Variants in RPL9 observed in about 807,000 individuals in gnomAD.
The protein encoded by RPL9 is ribosomal protein L9, also known as large ribosomal subunit protein uL6.
For synonymous variants in RPL9, 82 were observed against 77.1 expected (o/e 1.06, Z -0.33); for missense variants, 149 against 236.7 (o/e 0.63, Z 2.43).
chr4:39,458,033 T>A (rs1203769235), intron 3 of RPL9, 161 bp downstream of exon 3: 3 of 763,754 alleles, frequency 3.9e-6, no homozygotes, highest in Admixed American at 4.0e-5. Context: ...GTGTTCAGAA[T>A]CTGGTTTTTC....
chr4:39,458,509 GCTCCACTCCTACT>G, intron 1 of RPL9, 69 bp from the exon 2 acceptor site: 1 of 1,519,066 alleles, frequency 6.6e-7, no homozygotes, highest in Non-Finnish European at 9.1e-7. Flanking sequence ...GCCGCACAGA[GCTCCACTCCTACT>G]GGAGACTGCC....
chr4:39,458,626 T>G (rs1744237697), intron 1 of RPL9, 186 bp from the exon 2 acceptor site: 1 of 640,720 alleles, frequency 1.6e-6, no homozygotes, highest in Non-Finnish European at 2.7e-6. Context: ...AAAGCGAGAA[T>G]TACGAGGCCC....
intron 5 of RPL9, 116 bp from the exon 6 acceptor site, chr4:39,455,060 G>A: frequency 9.2e-7 from 1 of 1,090,184 alleles, no homozygotes; most frequent in Non-Finnish European, 1.3e-6. Context: ...CTTTTCTTAA[G>A]ATTTTGAGGC....
chr4:39,456,353 GA>G (rs755444012), intron 5 of RPL9, 52 bp downstream of exon 5: 25 of 1,608,368 alleles, frequency 1.6e-5, no homozygotes, highest in African/African-American at 1.1e-4. Context: ...GGAAAAGGAG[GA>G]AAAAAATATG....
chr4:39,455,289 T>G (rs1399489139), intron 5 of RPL9: 1 of 187,248 alleles, frequency 5.3e-6, no homozygotes, highest in Non-Finnish European at 1.1e-5. Context: ...CAGGGGTTTA[T>G]TTTTAACATA....
In RPL9 at chr4:39,458,324, A is replaced by T; in HGVS notation, c.47-15T>A. 6.2e-7 allele frequency: 1 copy of T among 1,614,056 alleles called. No homozygotes were observed. The highest frequency in any genetic ancestry group is 1.3e-5 in the African/African-American group (1 of 75,046). On this transcript the variant is annotated splice_polypyrimidine_tract_variant and intron_variant, in intron 2 of 7. Transcript: ENST00000295955. Reference sequence around the variant, plus strand: ...AGTAATGTCGACTAGAAGAGAGAACACACTCGTCAGGCCACACAACGCTTG... The same window carrying T: ...AGTAATGTCGACTAGAAGAGAGAACTCACTCGTCAGGCCACACAACGCTTG...
chr4:39,457,782 T>C, intron 3 of RPL9, 101 bp from the exon 4 acceptor site: 1 of 997,812 alleles, frequency 1.0e-6, no homozygotes, highest in Admixed American at 2.0e-5. Flanking sequence ...TTAACCCTTA[T>C]CAAAGCACAT....
intron 4 of RPL9, chr4:39,457,075 T>C (rs1744116228): frequency 1.3e-5 from 2 of 159,908 alleles, no homozygotes; most frequent in South Asian, 3.4e-4. Context: ...TGACATACAT[T>C]ATGGCAGCAG....
rs376007055 is a variant in RPL9, at chr4:39,458,867, C to T, written c.-2+24G>A. 3 of 698,740 alleles carry T rather than the reference C, an allele frequency of 4.3e-6. No homozygotes were observed. In the East Asian group the frequency reaches 8.1e-5, roughly 19 times the overall value. The allele number at this position is 698,740 out of a possible 1,614,324, so 43.3% of individuals were successfully genotyped here. A position where few individuals can be genotyped will look rare whatever the true frequency, so the allele number is the denominator to read the frequency against. On this transcript the variant is annotated intron_variant, in intron 1 of 7. Coordinates refer to ENST00000295955, the MANE Select transcript of RPL9 (RefSeq NM_000661.5). ...AGATGGTTTCAGATTCCCAGTACCC[C>T]CACGAGCACAGAAACATCCTTACCT...
intron 3 of RPL9, 106 bp from the exon 4 acceptor site, chr4:39,457,787 G>C: frequency 2.0e-6 from 2 of 981,238 alleles, no homozygotes; most frequent in Non-Finnish European, 3.2e-6. Flanking sequence ...CCTTATCAAA[G>C]CACATGGTTT....
intron 5 of RPL9, 156 bp downstream of exon 5, chr4:39,456,250 T>G (rs201678917): frequency 1.2e-6 from 1 of 800,750 alleles, no homozygotes; most frequent in South Asian, 1.5e-5. Context: ...CACCAACAGT[T>G]TAAGTGTAAT....
At chr4:39,456,287 G>A (rs921428836) in intron 5 of RPL9, 119 bp downstream of exon 5, 4 of 1,111,880 alleles carry the variant, frequency 3.6e-6, no homozygotes, top group Admixed American at 3.7e-5. Context: ...AACAAATCTG[G>A]TTTTACTCAG....
chr4:39,457,798 T>C, intron 3 of RPL9, 117 bp from the exon 4 acceptor site: 1 of 911,902 alleles, frequency 1.1e-6, no homozygotes, highest in Non-Finnish European at 1.7e-6. Context: ...CACATGGTTT[T>C]CAACTGGAAA....
At chr4:39,455,002 G>T in intron 5 of RPL9, 58 bp from the exon 6 acceptor site, 1 of 1,492,978 alleles carries the variant, frequency 6.7e-7, no homozygotes, top group Non-Finnish European at 9.2e-7. Flanking sequence ...TATTTAAATT[G>T]CAGAGGCACT....
At chr4:39,457,510 G>C (rs1223170236) in intron 4 of RPL9, 76 bp downstream of exon 4, 2 of 1,214,548 alleles carry the variant, frequency 1.6e-6, no homozygotes, top group East Asian at 2.3e-5. Flanking sequence ...CTCTGAAAGA[G>C]ACACTTACGC....
In RPL9 at chr4:39,458,709, G is replaced by A. The variant is rs183425644; in HGVS notation, c.-2+182C>T. ...GGTGCCATCCCGGCAAGACTGAGGGGCGGGAATAGGCCAAAAAGCCCACAA... is the reference window on the plus strand; with the variant it reads ...GGTGCCATCCCGGCAAGACTGAGGGACGGGAATAGGCCAAAAAGCCCACAA... On this transcript the variant is annotated intron_variant, in intron 1 of 7. Transcript: ENST00000295955. 14 of 633,200 alleles carry A rather than the reference G, an allele frequency of 2.2e-5. No homozygotes were observed. In the East Asian group the frequency reaches 3.9e-4, roughly 18 times the overall value. The allele number at this position is 633,200 out of a possible 1,614,324, so 39.2% of individuals were successfully genotyped here. A position where few individuals can be genotyped will look rare whatever the true frequency, so the allele number is the denominator to read the frequency against.
chr4:39,458,860 A>G, intron 1 of RPL9, 31 bp downstream of exon 1: 1 of 697,262 alleles, frequency 1.4e-6, no homozygotes, highest in Non-Finnish European at 2.6e-6. Context: ...TCAGATTCCC[A>G]GTACCCCCAC....
intron 4 of RPL9, 159 bp downstream of exon 4, chr4:39,457,427 C>G (rs1042779784): frequency 1.7e-6 from 1 of 602,074 alleles, no homozygotes; most frequent in African/African-American, 1.9e-5. Context: ...TCAGCTCTAT[C>G]GCTTAAAGAC....
At chr4:39,458,119 T>TA (rs2109859432) in intron 3 of RPL9, 75 bp downstream of exon 3, 1 of 1,446,674 alleles carries the variant, frequency 6.9e-7, no homozygotes, top group Non-Finnish European at 9.6e-7. Context: ...CGAAAATTGT[T>TA]AAAGCAACCA....
Sources: allele counts gnomAD v4.1 joint callset, GRCh38; gene constraint gnomAD v4.1.1; transcripts MANE v1.5; gene names NCBI Gene and HGNC (gene_info 2026-07-23, HGNC 2026-07-21).